The following CDIN1 variants were observed in gnomAD, a reference collection of about 807,000 sequenced individuals.
CDIN1 encodes the protein CDAN1 interacting nuclease 1, also known as CDAN1-interacting nuclease 1.
CDIN1 carries 33 observed loss-of-function variants against 45.3 expected under a neutral mutation model. The observed-to-expected ratio is 0.73, with a 90% CI of 0.55 to 0.97. CDIN1 has a LOEUF of 0.97. Among genes scored for constraint, CDIN1 ranks in the 50% least tolerant of loss-of-function variants. The pLI is 0.00. For missense variants in CDIN1, 303 were observed against 339.4 expected (o/e 0.89, Z 0.84); for synonymous variants, 118 against 124.4 (o/e 0.95, Z 0.34).
chr15:36,794,205 C>A (rs59702636), intron 10 of CDIN1, among the ~76,000 whole-genome samples: 70,388 of 151,322 alleles, frequency 0.47, 16,917 homozygotes, highest in Admixed American at 0.56. Context: ...ACTACAGGCG[C>A]CCGCCACCAC....
At chr15:36,662,854 GT>G (rs34007525) in intron 5 of CDIN1, among the ~76,000 whole-genome samples, 24 of 122,930 alleles carry the variant, frequency 2.0e-4, no homozygotes, top group South Asian at 5.4e-4. Context: ...TCAGATTTTA[GT>G]TTTTTTTTTT....
chr15:36,631,747 T>C (rs2039688428), intron 1 of CDIN1, among the ~76,000 whole-genome samples: 1 of 152,240 alleles, frequency 6.6e-6, no homozygotes, highest in African/African-American at 2.4e-5. Context: ...GAAACATGTT[T>C]TTAGTTCTCT....
chr15:36,781,518 C>T (rs901208241), intron 10 of CDIN1, among the ~76,000 whole-genome samples: 3 of 150,368 alleles, frequency 2.0e-5, no homozygotes, highest in Non-Finnish European at 4.4e-5. Context: ...ATGGTATGCA[C>T]ATCCAAAGAA....
intron 8 of CDIN1, among the ~76,000 whole-genome samples, chr15:36,698,408 C>T (rs538062101): frequency 6.6e-6 from 1 of 152,276 alleles, no homozygotes; most frequent in East Asian, 1.9e-4. Context: ...AGCAAGTGTT[C>T]TCAAGTCACT....
chr15:36,720,054 A>AT (rs953180493), intron 10 of CDIN1, among the ~76,000 whole-genome samples: 2 of 76,044 alleles, frequency 2.6e-5, no homozygotes, highest in Non-Finnish European at 5.0e-5. Context: ...TAAACGAACC[A>AT]TTTTTTTATT....
At chr15:36,589,693 A>G (rs1405666883) in intron 1 of CDIN1, among the ~76,000 whole-genome samples, 1 of 151,604 alleles carries the variant, frequency 6.6e-6, no homozygotes, top group Non-Finnish European at 1.5e-5. Flanking sequence ...TTTAGTAGAG[A>G]CGGGGTTTCA....
intron 4 of CDIN1, among the ~76,000 whole-genome samples, chr15:36,654,489 T>C (rs2140453067): frequency 7.0e-6 from 1 of 143,344 alleles, no homozygotes; most frequent in East Asian, 2.0e-4. Context: ...GAGAAATACC[T>C]GTGTCAAGTA....
At chr15:36,602,652 T>G (rs17655872) in intron 1 of CDIN1, among the ~76,000 whole-genome samples, 12,109 of 152,226 alleles carry the variant, frequency 0.08, 624 homozygotes, top group Non-Finnish European at 0.12. Flanking sequence ...CTTGTGTAAC[T>G]GGTAAAGTGG....
rs535105517 is a variant in CDIN1 at position 36,633,822 on chromosome 15, A to G, written c.102-10456A>G. ...ACCCAGGCTGGATTGCAGTGGTGGGATCTTAGCTAACAGCAACCTCTGTCT... is the reference window on the plus strand; with the variant it reads ...ACCCAGGCTGGATTGCAGTGGTGGGGTCTTAGCTAACAGCAACCTCTGTCT... On this transcript the variant is annotated intron_variant, in intron 1 of 10. Coordinates refer to ENST00000566621, the MANE Select transcript of CDIN1 (RefSeq NM_001321759.2). 4.1e-5 allele frequency among the ~76,000 whole-genome samples: 6 copies of G among 145,820 alleles called. No individual in the cohort carries two copies. In the South Asian group the frequency reaches 1.3e-3, roughly 32 times the overall value.
chr15:36,731,233 T>C (rs1004336783), intron 10 of CDIN1, among the ~76,000 whole-genome samples: 3 of 152,158 alleles, frequency 2.0e-5, no homozygotes, highest in African/African-American at 7.2e-5. Context: ...ATGCCTCATT[T>C]ATCACTCATA....
At chr15:36,738,931 A>G (rs146265795) in intron 10 of CDIN1, among the ~76,000 whole-genome samples, 20 of 152,380 alleles carry the variant, frequency 1.3e-4, no homozygotes, top group African/African-American at 4.6e-4. Flanking sequence ...TTGAATAGGC[A>G]TAATGTATTT....
At chr15:36,683,271 G>A (rs1461084425) in intron 5 of CDIN1, among the ~76,000 whole-genome samples, 1 of 145,804 alleles carries the variant, frequency 6.9e-6, no homozygotes, top group Non-Finnish European at 1.5e-5. Context: ...GTAAGGAAGG[G>A]ATCCAGTTTC....
intron 1 of CDIN1, chr15:36,613,450 G>A: frequency 1.3e-6 from 2 of 1,533,366 alleles, no homozygotes; most frequent in East Asian, 4.5e-5. Context: ...ACTGGAGCGT[G>A]AGCAGTAGCT....
At chr15:36,708,458 ATTTTTTTTTTTT>A in intron 8 of CDIN1, 1 of 139,158 alleles carries the variant, frequency 7.2e-6, no homozygotes, top group African/African-American at 2.6e-5. Flanking sequence ...ATATTGGTGG[ATTTTTTTTTTTT>A]TTTTTTTTTT....
chr15:36,731,003 TGTAA>T (rs761721298), intron 10 of CDIN1, among the ~76,000 whole-genome samples: 7 of 152,124 alleles, frequency 4.6e-5, no homozygotes, highest in Non-Finnish European at 7.4e-5. Context: ...TGTACTGTAA[TGTAA>T]GTGTCTGAGT....
At chr15:36,607,902 A>G (rs1384038864) in intron 1 of CDIN1, among the ~76,000 whole-genome samples, 1 of 152,174 alleles carries the variant, frequency 6.6e-6, no homozygotes, top group African/African-American at 2.4e-5. Context: ...GGCGATCACT[A>G]ATCTACTAGA....
chr15:36,656,434 T>C (rs2140461714), intron 4 of CDIN1, among the ~76,000 whole-genome samples: 1 of 152,290 alleles, frequency 6.6e-6, no homozygotes, highest in Non-Finnish European at 1.5e-5. Flanking sequence ...GTTTCAAGTC[T>C]AAAATTGAAC....
intron 1 of CDIN1, chr15:36,617,678 GC>G (rs2140297867): frequency 1.3e-6 from 1 of 768,526 alleles, no homozygotes; most frequent in African/African-American, 1.7e-5. Context: ...CAAGTCATAA[GC>G]GTTGTATTGT....
At chr15:36,806,575 T>A (rs1426215471) in intron 10 of CDIN1, among the ~76,000 whole-genome samples, 2 of 152,214 alleles carry the variant, frequency 1.3e-5, no homozygotes, top group African/African-American at 2.4e-5. Context: ...GAGCTTAATG[T>A]TAGATCTGTC....
Sources: gnomAD v4.1 joint callset for allele counts (sites outside exome capture counted in the v4.1 genomes callset) on GRCh38, gnomAD v4.1.1 for gene constraint, MANE v1.5 for transcripts, NCBI Gene and HGNC (gene_info 2026-07-23, HGNC 2026-07-21) for gene names.